Variants in HS6ST3 observed in about 807,000 individuals in gnomAD.
HS6ST3 encodes heparan sulfate 6-O-sulfotransferase 3, also known as heparan-sulfate 6-O-sulfotransferase 3.
HS6ST3 carries 12 observed loss-of-function variants against 36.7 expected under a neutral mutation model. That is an observed-to-expected ratio of 0.33 (90% confidence interval 0.21 to 0.53). The LOEUF (loss-of-function observed/expected upper bound fraction) is 0.53. Ranked by LOEUF, HS6ST3 falls within the 20% of genes least tolerant of loss-of-function variation. HS6ST3 has a pLI of 0.95. For missense variants in HS6ST3, 584 were observed against 640.9 expected (o/e 0.91, Z 0.96); for synonymous variants, 240 against 257.5 (o/e 0.93, Z 0.65).
chr13:96,537,465 G>C (rs1030713361), intron 1 of HS6ST3, among the ~76,000 whole-genome samples: 2 of 152,186 alleles, frequency 1.3e-5, no homozygotes, highest in African/African-American at 4.8e-5. Context: ...TTCACTCCCA[G>C]TTGCAATTAA....
chr13:96,665,278 C>G (rs183505713), intron 1 of HS6ST3, among the ~76,000 whole-genome samples: 2 of 152,288 alleles, frequency 1.3e-5, no homozygotes, highest in African/African-American at 4.8e-5. Flanking sequence ...GTATAAGATA[C>G]ATTTCAATTG....
chr13:96,264,269 T>C, intron 1 of HS6ST3, among the ~76,000 whole-genome samples: 1 of 152,168 alleles, frequency 6.6e-6, no homozygotes, highest in East Asian at 1.9e-4. Context: ...GAAGAGGTAC[T>C]GAAGTGAGGT....
chr13:96,141,401 T>G (rs1465803374), intron 1 of HS6ST3, among the ~76,000 whole-genome samples: 3 of 152,112 alleles, frequency 2.0e-5, no homozygotes, highest in Admixed American at 1.3e-4. Flanking sequence ...TTGCCCAGGC[T>G]GGAGTGCAGT....
At chr13:96,276,400 C>A (rs141510843) in intron 1 of HS6ST3, among the ~76,000 whole-genome samples, 2 of 152,296 alleles carry the variant, frequency 1.3e-5, no homozygotes, top group African/African-American at 4.8e-5. Flanking sequence ...CAATACCCTG[C>A]AAACATTTTT....
At chr13:96,309,679 TG>T (rs1205948612) in intron 1 of HS6ST3, among the ~76,000 whole-genome samples, 1 of 152,186 alleles carries the variant, frequency 6.6e-6, no homozygotes, top group Non-Finnish European at 1.5e-5. Flanking sequence ...ACTGAGTAGT[TG>T]TTTTGGCAAA....
At chr13:96,448,291 C>T (rs2055709201) in intron 1 of HS6ST3, among the ~76,000 whole-genome samples, 1 of 152,172 alleles carries the variant, frequency 6.6e-6, no homozygotes. Context: ...TGTGTCTATT[C>T]CTTAAAATTT....
chr13:96,353,096 C>G (rs1364367712), intron 1 of HS6ST3, among the ~76,000 whole-genome samples: 1 of 144,320 alleles, frequency 6.9e-6, no homozygotes, highest in Non-Finnish European at 1.5e-5. Flanking sequence ...GCTCTGTCAC[C>G]AGGCTGGAGT....
intron 1 of HS6ST3, among the ~76,000 whole-genome samples, chr13:96,164,556 G>GAAAAA (rs1181401496): frequency 7.6e-6 from 1 of 132,214 alleles, no homozygotes; most frequent in Non-Finnish European, 1.6e-5. Context: ...GACCCTGCCT[G>GAAAAA]AAAAAAAAAA....
At chr13:96,293,907 G>T (rs2054842122) in intron 1 of HS6ST3, among the ~76,000 whole-genome samples, 1 of 152,094 alleles carries the variant, frequency 6.6e-6, no homozygotes, top group African/African-American at 2.4e-5. Flanking sequence ...AGTTGTCCAT[G>T]CACTTTTCTT....
At chr13:96,170,261 T>C (rs2054181404) in intron 1 of HS6ST3, among the ~76,000 whole-genome samples, 1 of 152,206 alleles carries the variant, frequency 6.6e-6, no homozygotes, top group South Asian at 2.1e-4. Flanking sequence ...GTGGGGAAGG[T>C]ATTGTTAGCA....
chr13:96,665,254 A>G lies in HS6ST3; in HGVS notation c.708-167236A>G, dbSNP rs369271512. ...TTCTTCATTCTTCATTTAGTCATTCATGCATTCATTGATGTATAAGATACA... is the reference window on the plus strand; with the variant it reads ...TTCTTCATTCTTCATTTAGTCATTCGTGCATTCATTGATGTATAAGATACA... On this transcript the variant is annotated intron_variant, in intron 1 of 1. Coordinates refer to ENST00000376705, the MANE Select transcript of HS6ST3 (RefSeq NM_153456.4). Among the ~76,000 whole-genome samples, 8 of 152,304 alleles carry G rather than the reference A, an allele frequency of 5.3e-5. No individual in the cohort carries two copies. In the East Asian group the frequency reaches 1.2e-3, roughly 22 times the overall value.
chr13:96,155,288 A>G (rs574607587), intron 1 of HS6ST3, among the ~76,000 whole-genome samples: 2 of 152,262 alleles, frequency 1.3e-5, no homozygotes, highest in African/African-American at 4.8e-5. Context: ...TCCTCTTTCT[A>G]CATTCTTTAA....
chr13:96,278,878 A>G (rs1382821596), intron 1 of HS6ST3, among the ~76,000 whole-genome samples: 1 of 152,168 alleles, frequency 6.6e-6, no homozygotes, highest in Non-Finnish European at 1.5e-5. Flanking sequence ...TCTTTTAAGA[A>G]CAAATTTATT....
At chr13:96,592,859 C>T (rs917785256) in intron 1 of HS6ST3, among the ~76,000 whole-genome samples, 7 of 152,026 alleles carry the variant, frequency 4.6e-5, no homozygotes, top group African/African-American at 1.7e-4. Flanking sequence ...GCCTTTAGGA[C>T]CCTTTCTCTA....
intron 1 of HS6ST3, among the ~76,000 whole-genome samples, chr13:96,583,199 C>CTT (rs1210357260): frequency 2.6e-3 from 87 of 33,864 alleles, no homozygotes; most frequent in Middle Eastern, 0.019. Context: ...ATTTCTTTTT[C>CTT]TTTTCTTTTT....
At chr13:96,605,031 G>A (rs2056434092) in intron 1 of HS6ST3, among the ~76,000 whole-genome samples, 1 of 152,054 alleles carries the variant, frequency 6.6e-6, no homozygotes, top group South Asian at 2.1e-4. Context: ...AAATATTCCA[G>A]TATTGATGAT....
chr13:96,140,050 T>G (rs2054022975), intron 1 of HS6ST3, among the ~76,000 whole-genome samples: 1 of 151,726 alleles, frequency 6.6e-6, no homozygotes, highest in South Asian at 2.1e-4. Flanking sequence ...TTCAAAAAAT[T>G]AAGAAAAAGT....
Position 96,091,031 on chromosome 13 carries a change from C to T in HS6ST3, c.169C>T (p.Arg57Trp), listed in dbSNP as rs1594672438. The change falls in exon 1 of 2, where the codon CGG becomes TGG. Residue 57 changes from arginine (R) to tryptophan (W), a missense_variant. Coordinates refer to ENST00000376705, the MANE Select transcript of HS6ST3 (RefSeq NM_153456.4). Reference protein sequence around the residue: ...GPPAVPGPARRAQAPPEEWER... With the variant: ...GPPAVPGPARWAQAPPEEWER... ...GCCCGCCGTCCCGGGTCCCGCCCGC[C>T]GGGCTCAGGCGCCGCCGGAGGAGTG... The T allele has an allele frequency of 3.2e-6, 4 of 1,244,872 alleles. No homozygotes were observed. In the East Asian group the frequency reaches 9.8e-5, roughly 30 times the overall value. The allele number at this position is 1,244,872 out of a possible 1,614,324, so 77.1% of individuals were successfully genotyped here.
At chr13:96,642,102 G>A (rs189155877) in intron 1 of HS6ST3, among the ~76,000 whole-genome samples, 143 of 151,888 alleles carry the variant, frequency 9.4e-4, no homozygotes, top group Middle Eastern at 3.4e-3. Context: ...TTGAAGGGGG[G>A]AGGGATGTCT....
Sources: gnomAD v4.1 joint callset for allele counts (sites outside exome capture counted in the v4.1 genomes callset) on GRCh38, gnomAD v4.1.1 for gene constraint, MANE v1.5 for transcripts, NCBI Gene and HGNC (gene_info 2026-07-23, HGNC 2026-07-21) for gene names.